AHNAK2: variants seen among roughly 807,000 people sequenced by gnomAD.
AHNAK2 encodes protein AHNAK2.
A neutral mutation model predicts 30.7 loss-of-function variants in AHNAK2; 18 were observed. That is an observed-to-expected ratio of 0.59 (90% CI 0.41 to 0.87). The LOEUF (loss-of-function observed/expected upper bound fraction) is 0.87, where lower values mean the gene tolerates loss of function less well. AHNAK2 is among the 40% of genes least tolerant of loss of function. The pLI is 0.00. For synonymous variants in AHNAK2, 3,590 were observed against 3,073.8 expected, an observed-to-expected ratio of 1.17 and a Z score of -5.56; for missense variants, 8,604 against 7,373.0, an observed-to-expected ratio of 1.17 and a Z score of -6.11.
At chr14:104,968,258 G>A (rs1211941187) in intron 1 of AHNAK2, among the ~76,000 whole-genome samples, 1 of 152,216 alleles carries the variant, frequency 6.6e-6, no homozygotes, top group East Asian at 1.9e-4. Flanking sequence ...GCAGGTGGGG[G>A]TGGTACCACA....
In AHNAK2 at chr14:104,942,686, G is replaced by C. The variant is rs752732826; in HGVS notation, c.12765C>G (p.Pro4255=). Residue 4255 remains proline, a synonymous_variant, in exon 7 of 7, where the codon CCC becomes CCG. Transcript: ENST00000333244. ...TGCTGGGCAGAGACACCTCCACGAC[G>C]GGGGTCATCACATCCGCCTTGGGGC... is the stretch of plus-strand genomic sequence containing the variant. ...LKGPKADVMT[P]VVEVSLPSME... is the part of the protein sequence containing the mutation. 4 of 1,613,016 alleles carry C rather than the reference G, an allele frequency of 2.5e-6. No individual in the cohort carries two copies. Among genetic ancestry groups the C allele is most frequent in the African/African-American group, 2.7e-5 (2 of 74,836 alleles).
Position 104,955,012 on chromosome 14 carries a change from TC to T in AHNAK2, c.595del (p.Asp199MetfsTer69), listed in dbSNP as rs1398635158. 6.2e-7 allele frequency: 1 copy of T among 1,613,708 alleles called. No individual in the cohort carries two copies. ...GGCATCGCTGGAAGCCCACTCTTCA[TC>T]CTGTGGGGCAGGGAGCTGCCGTCTG... ...KIRRQLPAPQ[D>X]EEWASSDAQH... On this transcript the variant is annotated frameshift_variant, in exon 6 of 7. Transcript: ENST00000333244. LOFTEE classifies it high-confidence loss of function.
rs200673144 is a variant in AHNAK2 at position 104,946,892 on chromosome 14, T to C, written c.8559A>G (p.Gln2853=). Residue 2853 remains glutamine, a synonymous_variant, in exon 7 of 7, where the codon CAA becomes CAG. Coordinates refer to ENST00000333244, the MANE Select transcript of AHNAK2 (RefSeq NM_138420.4). ...VEADGSFPSM[Q]GDLKTTDIRI... ...GGATGTCAGTGGTCTTAAGATCCCC[T>C]TGCATGGAGGGGAAGCTCCCGTCAG... 6,438 of 1,610,394 alleles carry C rather than the reference T, an allele frequency of 4.0e-3. 294 individuals are homozygous for C. The African/African-American group carries it at 0.063, about 16-fold the overall frequency.
In AHNAK2 at chr14:104,954,768, G is replaced by T; in HGVS notation, c.683C>A (p.Thr228Asn). The part of the protein sequence containing the change: ...DTDVADGCRE[T>N]PTKTLEGDGD... The stretch of plus-strand genomic sequence containing the variant: ...ATCTCCTTCCAGAGTTTTCGTGGGG[G>T]TCTCTCTGCACCCATCAGCAACATC... Residue 228 changes from threonine (T) to asparagine (N), a missense_variant, in exon 7 of 7, where the codon ACC (threonine) becomes AAC (asparagine). Transcript: ENST00000333244. This position sits in a 1 kb window ranked among gnomAD's most constrained non-coding sequence, Gnocchi z 4.3. The T allele has an allele frequency of 6.3e-7, 1 of 1,595,508 alleles. No homozygotes were observed. Among genetic ancestry groups the T allele is most frequent in the Non-Finnish European group, 8.5e-7 (1 of 1,170,554 alleles).
Position 104,946,836 on chromosome 14 carries a change from A to C in AHNAK2, c.8615T>G (p.Val2872Gly). The change falls in exon 7 of 7, where the codon GTC (valine) becomes GGC (glycine). Residue 2872 changes from valine to glycine, a missense_variant. Val to Gly is a moderately radical substitution (Grantham distance 109). Transcript: ENST00000333244. ...TTTCACGTCCACCTGGCCAGCCTGG[A>C]CCTCCAGTTGGGCGGAGGGGGGCTG... is the stretch of plus-strand genomic sequence containing the variant. Reference protein sequence around the residue: ...RIQPPSAQLEVQAGQVDVKLP... With the variant: ...RIQPPSAQLEGQAGQVDVKLP... The C allele has an allele frequency of 6.2e-7, 1 of 1,611,534 alleles. No individual in the cohort carries two copies. The highest frequency in any genetic ancestry group is 8.5e-7 in the Non-Finnish European group (1 of 1,179,348).
In AHNAK2 at chr14:104,956,668, C is replaced by G. The variant is rs768698410; in HGVS notation, c.235G>C (p.Gly79Arg). Residue 79 changes from glycine to arginine, a missense_variant, in exon 4 of 7, where the codon GGT (glycine) becomes CGT (arginine). Physicochemically the swap from Gly to Arg is moderately radical, Grantham distance 125. Coordinates refer to ENST00000333244, the MANE Select transcript of AHNAK2 (RefSeq NM_138420.4). ...CAGGATCTCCGTCTCCCAGCAGAAC[C>G]TTGCCTGCCGGGGGCGTCTTCCTGC... ...GLQEDAPGRQ[G>R]SAGRRRSWWK... 3 of 1,613,730 alleles carry G rather than the reference C, an allele frequency of 1.9e-6. No individual in the cohort carries two copies. In the African/African-American group the frequency reaches 4.0e-5, roughly 22 times the overall value.
Position 104,945,524 on chromosome 14 carries a change from T to C in AHNAK2, c.9927A>G (p.Lys3309=), listed in dbSNP as rs371821101. 157 of 1,611,788 alleles carry C rather than the reference T, an allele frequency of 9.7e-5. No homozygotes were observed. In the Middle Eastern group the frequency reaches 2.5e-3, roughly 25 times the overall value. ...ACGACGGCATCTTGAATTTGGGCAT[T>C]TTGAACTTGCTGTCTTTGGCAGTCA... ...KDVTAKDSKF[K]MPKFKMPSYR... is the part of the protein sequence containing the mutation. Residue 3309 remains lysine (K), a synonymous_variant, in exon 7 of 7, where the codon AAA becomes AAG. Coordinates refer to ENST00000333244, the MANE Select transcript of AHNAK2 (RefSeq NM_138420.4).
At chr14:104,958,669 A>C (rs1193890812) in intron 1 of AHNAK2, among the ~76,000 whole-genome samples, 1 of 152,214 alleles carries the variant, frequency 6.6e-6, no homozygotes, top group Admixed American at 6.5e-5. Context: ...ATTAATATAA[A>C]TTAACCAATT....
intron 3 of AHNAK2, 107 bp from the exon 4 acceptor site, chr14:104,956,796 G>A (rs188583746): frequency 9.8e-7 from 1 of 1,024,952 alleles, no homozygotes; most frequent in African/African-American, 1.6e-5. Context: ...GAGGGGCCCA[G>A]AACTTCCAAC....
At position 104,950,647 on chromosome 14, in the gene AHNAK2, T is replaced by C. The variant is rs751524866; in HGVS notation, c.4804A>G (p.Lys1602Glu). ...ACCTTGGGGCCTTTCAGGTCCAGCT[T>C]GGGGCCCTTAACATCTATCTGGGGC... The part of the protein sequence containing the change: ...KGPQIDVKGP[K>E]LDLKGPKVEV... The change falls in exon 7 of 7, where the codon AAG becomes GAG. Residue 1602 changes from lysine to glutamate, a missense_variant. Transcript: ENST00000333244. 1 of 1,587,082 alleles carries C rather than the reference T, an allele frequency of 6.3e-7. No homozygotes were observed. Among genetic ancestry groups the C allele is most frequent in the Non-Finnish European group, 8.6e-7 (1 of 1,162,766 alleles).
chr14:104,938,315 G>C lies in AHNAK2; in HGVS notation c.17136C>G (p.Ser5712Arg). The part of the protein sequence containing the change: ...LGFSSSPTKK[S>R]KSTEDGAELE... ...GCTCTGCCCCATCTTCGGTGCTTTT[G>C]CTTTTCTTGGTAGGAGATGAGGAGA... Residue 5712 changes from serine to arginine, a missense_variant, in exon 7 of 7, where the codon AGC becomes AGG. Ser to Arg is a moderately radical substitution (Grantham distance 110). Transcript: ENST00000333244. 1.9e-6 allele frequency: 3 copies of C among 1,613,940 alleles called. No homozygotes were observed. The highest frequency in any genetic ancestry group is 2.5e-6 in the Non-Finnish European group (3 of 1,179,878).
In AHNAK2 at chr14:104,942,367, C is replaced by T; in HGVS notation, c.13084G>A (p.Glu4362Lys). The change falls in exon 7 of 7, where the codon GAG becomes AAG. Residue 4362 changes from glutamate (E) to lysine (K), a missense_variant. Coordinates refer to ENST00000333244, the MANE Select transcript of AHNAK2 (RefSeq NM_138420.4). ...SADLEVQAGQ[E>K]DVKLPEGPVH... is the part of the protein sequence containing the mutation. Reference sequence around the variant, plus strand: ...GGGCCCTCTGGGAGTTTCACATCCTCTTGGCCAGCCTGGACCTCCAGATCA... The same window carrying T: ...GGGCCCTCTGGGAGTTTCACATCCTTTTGGCCAGCCTGGACCTCCAGATCA... 6.2e-7 allele frequency: 1 copy of T among 1,613,112 alleles called. No homozygotes were observed. The highest frequency in any genetic ancestry group is 8.5e-7 in the Non-Finnish European group (1 of 1,179,678).
rs74090122 is a variant in AHNAK2, at chr14:104,948,589, C to G, written c.6862G>C (p.Val2288Leu). 5.6e-6 allele frequency: 9 copies of G among 1,612,532 alleles called. No homozygotes were observed. The African/African-American group carries it at 1.1e-4, about 19-fold the overall frequency. Residue 2288 changes from valine (V) to leucine (L), a missense_variant, in exon 7 of 7, where the codon GTC becomes CTC. Physicochemically the swap from Val to Leu is conservative, Grantham distance 32. Coordinates refer to ENST00000333244, the MANE Select transcript of AHNAK2 (RefSeq NM_138420.4). ...TCCAGCTTGGCTCCTGGGGCCTTGA[C>G]GTCCACCTCCACGCTGGGCAGAGAC... ...EVSLPSVEVD[V>L]KAPGAKLDGA...
Position 104,947,781 on chromosome 14 carries a change from G to C in AHNAK2, c.7670C>G (p.Pro2557Arg), listed in dbSNP as rs759586976. 3 of 1,612,494 alleles carry C rather than the reference G, an allele frequency of 1.9e-6. No homozygotes were observed. Among genetic ancestry groups the C allele is most frequent in the Non-Finnish European group, 1.7e-6 (2 of 1,179,592 alleles). ...GTGCCCTTTGAGGCCGGCTCCCTCC[G>C]GCACAGGGCCCTCTGGGAGTTTCAC... ...VDVKLPEGPV[P>R]EGAGLKGHLP... The change falls in exon 7 of 7, where the codon CCG becomes CGG. Residue 2557 changes from proline (P) to arginine (R), a missense_variant. Transcript: ENST00000333244.
intron 1 of AHNAK2, among the ~76,000 whole-genome samples, chr14:104,965,401 C>CAAAAAAAAAAAAAAAAAAAAAAAAAAA (rs397853385): frequency 1.2e-5 from 1 of 85,518 alleles, no homozygotes; most frequent in Admixed American, 1.3e-4. Context: ...AACTCTGTCT[C>CAAAAAAAAAAAAAAAAAAAAAAAAAAA]AAAAAAAAAA....
Position 104,944,477 on chromosome 14 carries a change from C to T in AHNAK2, c.10974G>A (p.Glu3658=). ...FRVSAPGKSM[E]ASVDVSAPKV... is the part of the protein sequence containing the mutation. ...TGGGTGCAGACACATCCACCGAGGC[C>T]TCCATGGACTTCCCTGGGGCCGATA... The change falls in exon 7 of 7, where the codon GAG becomes GAA. Residue 3658 remains glutamate (E), a synonymous_variant. Coordinates refer to ENST00000333244, the MANE Select transcript of AHNAK2 (RefSeq NM_138420.4). The T allele has an allele frequency of 6.2e-7, 1 of 1,613,360 alleles. No individual in the cohort carries two copies. The highest frequency in any genetic ancestry group is 8.5e-7 in the Non-Finnish European group (1 of 1,179,656).
chr14:104,950,508 T>C lies in AHNAK2; in HGVS notation c.4943A>G (p.Asp1648Gly), dbSNP rs1447022205. ...AQLEGDLSLA[D>G]KAVTAKDSKF... ...GCTGTCTTTGGCAGTCACCGCCTTG[T>C]CGGCCAGGGACAGGTCCCCCTCCAG... Residue 1648 changes from aspartate (D) to glycine (G), a missense_variant, in exon 7 of 7, where the codon GAC (aspartate) becomes GGC (glycine). Transcript: ENST00000333244. 6.3e-7 allele frequency: 1 copy of C among 1,587,018 alleles called. No individual in the cohort carries two copies.
intron 1 of AHNAK2, among the ~76,000 whole-genome samples, chr14:104,959,406 G>A (rs564146855): frequency 3.5e-4 from 53 of 152,308 alleles, no homozygotes; most frequent in African/African-American, 1.0e-3. Flanking sequence ...TCTTGACCTC[G>A]TGATCCGCCT....
In AHNAK2 at chr14:104,942,955, C is replaced by T. The variant is rs1898063602; in HGVS notation, c.12496G>A (p.Asp4166Asn). ...CCCTGCATGGAGGGGAGGCTCACGTCGGCTTTCGCCTTCAGCTCAGACACA... is the reference window on the plus strand; with the variant it reads ...CCCTGCATGGAGGGGAGGCTCACGTTGGCTTTCGCCTTCAGCTCAGACACA... ...VDVSELKAKA[D>N]VSLPSMQGDL... Residue 4166 changes from aspartate (D) to asparagine (N), a missense_variant, in exon 7 of 7, where the codon GAC becomes AAC. By Grantham distance (23) the Asp-to-Asn change is conservative. Transcript: ENST00000333244. 5 of 1,613,368 alleles carry T rather than the reference C, an allele frequency of 3.1e-6. No homozygotes were observed. The highest frequency in any genetic ancestry group is 3.4e-6 in the Non-Finnish European group (4 of 1,179,646).
Sources: gnomAD v4.1 joint callset for allele counts (sites outside exome capture counted in the v4.1 genomes callset) on GRCh38, gnomAD v4.1.1 for gene constraint, Gnocchi (gnomAD v3.1) non-coding constraint, MANE v1.5 for transcripts, NCBI Gene and HGNC (gene_info 2026-07-23, HGNC 2026-07-21) for gene names.